The following KDM2B variants were observed in gnomAD, a reference collection of about 807,000 sequenced individuals.
KDM2B encodes the protein lysine demethylase 2B.
Under a neutral mutation model 150.0 loss-of-function variants are expected in KDM2B, and 26 were observed. The ratio of observed to expected loss-of-function variants is 0.17; its 90% CI spans 0.13 to 0.24. KDM2B has a LOEUF of 0.24. Ranked by LOEUF, KDM2B falls within the 10% of genes least tolerant of loss-of-function variation. The probability of loss-of-function intolerance (pLI) is 1.00; values close to 1 mark genes in which losing one functional copy is unlikely to be tolerated. For missense variants in KDM2B, 1,265 were observed against 1,816.9 expected (o/e 0.70, Z 5.52); for synonymous variants, 734 against 729.5 (o/e 1.01, Z -0.10).
intron 12 of KDM2B, among the ~76,000 whole-genome samples, chr12:121,484,098 T>G (rs1882470477): frequency 6.6e-6 from 1 of 151,920 alleles, no homozygotes; most frequent in Non-Finnish European, 1.5e-5. Context: ...GCTGGAGAAA[T>G]CAATACCCCG....
chr12:121,563,028 A>G (rs1890453034), intron 4 of KDM2B, among the ~76,000 whole-genome samples: 1 of 152,152 alleles, frequency 6.6e-6, no homozygotes, highest in African/African-American at 2.4e-5. Flanking sequence ...TAAAGACATA[A>G]TATGTGGGCC....
chr12:121,504,893 G>A (rs1045885626), intron 11 of KDM2B, among the ~76,000 whole-genome samples: 1 of 152,126 alleles, frequency 6.6e-6, no homozygotes, highest in Non-Finnish European at 1.5e-5. Context: ...AAGGCGGGTG[G>A]ATCACGAGGT....
downstream of KDM2B, among the ~76,000 whole-genome samples, chr12:121,426,266 T>G (rs141245174): frequency 4.9e-4 from 74 of 152,312 alleles, 1 homozygote; most frequent in East Asian, 0.013. Context: ...AAATGCTTGG[T>G]GGATTTTTTA....
At chr12:121,523,314 A>C (rs1886852956) in intron 8 of KDM2B, among the ~76,000 whole-genome samples, 1 of 152,218 alleles carries the variant, frequency 6.6e-6, no homozygotes, top group Non-Finnish European at 1.5e-5. Context: ...ACAAGGGCGG[A>C]CAGAGGCGGA....
Position 121,548,874 on chromosome 12 carries a change from T to TA in KDM2B, c.683+2dup. 1.2e-6 allele frequency: 2 copies of TA among 1,612,698 alleles called. No individual in the cohort carries two copies. The highest frequency in any genetic ancestry group is 1.7e-6 in the Non-Finnish European group (2 of 1,178,660). On this transcript the variant is annotated splice_region_variant and intron_variant, in intron 6 of 22. Coordinates refer to ENST00000377071, the MANE Select transcript of KDM2B (RefSeq NM_032590.5). ...GCTCTGGCCACCAGCCAGGCAGTCTTACTTTTTCACTTTCGGGTACTTCAT... is the reference window on the plus strand; with the variant it reads ...GCTCTGGCCACCAGCCAGGCAGTCTTAACTTTTTCACTTTCGGGTACTTCAT...
At chr12:121,490,719 C>T (rs947271846) in intron 12 of KDM2B, among the ~76,000 whole-genome samples, 35 of 152,194 alleles carry the variant, frequency 2.3e-4, no homozygotes, top group African/African-American at 8.0e-4. Context: ...CTCGTGGAAA[C>T]AGCCAGTCGG....
At chr12:121,446,272 C>G (rs1230518564) in intron 13 of KDM2B, among the ~76,000 whole-genome samples, 2 of 152,210 alleles carry the variant, frequency 1.3e-5, no homozygotes, top group Non-Finnish European at 2.9e-5. Context: ...GTGGCGGGCG[C>G]CTGTAGTCCC....
At chr12:121,561,779 T>C (rs1890355863) in intron 4 of KDM2B, among the ~76,000 whole-genome samples, 1 of 152,194 alleles carries the variant, frequency 6.6e-6, no homozygotes, top group Non-Finnish European at 1.5e-5. Flanking sequence ...ATAATTTGTC[T>C]ACAGGCCTCA....
intron 17 of KDM2B, 139 bp downstream of exon 17, chr12:121,443,541 G>A (rs1446247806): frequency 1.4e-5 from 9 of 654,390 alleles, no homozygotes; most frequent in Non-Finnish European, 2.2e-5. Flanking sequence ...CCAGAACCAC[G>A]AGCCAGAGAT....
At chr12:121,469,262 A>G (rs1880474857) in intron 12 of KDM2B, 1 of 150,962 alleles carries the variant, frequency 6.6e-6, no homozygotes, top group Non-Finnish European at 1.5e-5. Context: ...AAAAGAATAC[A>G]CCCTAACCCC....
intron 1 of KDM2B, chr12:121,580,089 C>T: frequency 6.3e-7 from 1 of 1,591,064 alleles, no homozygotes. Flanking sequence ...TGTCAACACT[C>T]CTGCCCCCTG....
chr12:121,566,164 C>G (rs1890691841), intron 4 of KDM2B, among the ~76,000 whole-genome samples: 1 of 152,058 alleles, frequency 6.6e-6, no homozygotes, highest in Admixed American at 6.6e-5. Context: ...AGAATTAATG[C>G]AACAAGCAGA....
At chr12:121,541,122 C>T (rs1888574034) in intron 6 of KDM2B, among the ~76,000 whole-genome samples, 1 of 151,666 alleles carries the variant, frequency 6.6e-6, no homozygotes, top group African/African-American at 2.4e-5. Context: ...ATCCCAGCTA[C>T]TCAGGAGGCT....
chr12:121,578,669 G>A (rs1305705989), intron 2 of KDM2B, 133 bp downstream of exon 2: 2 of 137,050 alleles, frequency 1.5e-5, no homozygotes, highest in Non-Finnish European at 2.7e-5. Flanking sequence ...CCCAGTGCTC[G>A]GCCTCGTTTC....
intron 11 of KDM2B, among the ~76,000 whole-genome samples, chr12:121,500,399 G>A (rs1385490399): frequency 6.6e-6 from 1 of 152,214 alleles, no homozygotes; most frequent in Non-Finnish European, 1.5e-5. Flanking sequence ...AAACTGCCCC[G>A]TACTGGACCT....
In KDM2B at chr12:121,529,786, C is replaced by T. The variant is rs551027610; in HGVS notation, c.931+3020G>A. ...TGCTACTAAAAATACAAAAATTAGC[C>T]GGGCATGGTGGCGTGTACCTGTAAT... On this transcript the variant is annotated intron_variant, in intron 8 of 22. Transcript: ENST00000377071. Among the ~76,000 whole-genome samples, 262 of 151,856 alleles carry T rather than the reference C, an allele frequency of 1.7e-3. 1 individual carries two copies. The highest frequency in any genetic ancestry group is 6.8e-3 in the Middle Eastern group (2 of 294).
chr12:121,428,254 G>A (rs782264407), downstream of KDM2B, among the ~76,000 whole-genome samples: 7 of 151,880 alleles, frequency 4.6e-5, no homozygotes, highest in Non-Finnish European at 7.4e-5. Flanking sequence ...GTATAATGGC[G>A]CAATCTCAGC....
chr12:121,528,754 G>C (rs551435785), intron 8 of KDM2B, among the ~76,000 whole-genome samples: 1 of 151,874 alleles, frequency 6.6e-6, no homozygotes, highest in Non-Finnish European at 1.5e-5. Context: ...TTAGCCAGGC[G>C]TGGCGGCACA....
intron 13 of KDM2B, among the ~76,000 whole-genome samples, chr12:121,451,704 G>C (rs558706257): frequency 5.8e-4 from 89 of 152,256 alleles, no homozygotes; most frequent in African/African-American, 2.1e-3. Context: ...TTGAGGTCAG[G>C]AGTTCGAGAC....
Sources: gnomAD v4.1 joint callset for allele counts (sites outside exome capture counted in the v4.1 genomes callset) on GRCh38, gnomAD v4.1.1 for gene constraint, MANE v1.5 for transcripts, NCBI Gene and HGNC (gene_info 2026-07-23, HGNC 2026-07-21) for gene names.